GABRB3: variants seen among roughly 807,000 people sequenced by gnomAD.
GABRB3 encodes the protein gamma-aminobutyric acid type A receptor subunit beta3.
GABRB3 carries 14 observed loss-of-function variants against 52.1 expected under a neutral mutation model. The ratio of observed to expected loss-of-function variants is 0.27; its 90% CI spans 0.18 to 0.42. The LOEUF (loss-of-function observed/expected upper bound fraction) is 0.42. GABRB3 is among the 10% of genes least tolerant of loss of function. The pLI, the probability that GABRB3 is intolerant of heterozygous loss-of-function variation, is 1.00. For missense variants in GABRB3, 307 were observed against 609.1 expected, an observed-to-expected ratio of 0.50 and a Z score of 5.22; for synonymous variants, 260 against 232.3, an observed-to-expected ratio of 1.12 and a Z score of -1.08.
chr15:26,769,207 T>C (rs969644675), intron 3 of GABRB3, among the ~76,000 whole-genome samples: 2 of 152,258 alleles, frequency 1.3e-5, no homozygotes, highest in Non-Finnish European at 2.9e-5. Context: ...TTGAGATACG[T>C]GTGTTTTTCA....
chr15:26,635,169 C>A (rs1275918686), intron 3 of GABRB3, among the ~76,000 whole-genome samples: 6 of 151,286 alleles, frequency 4.0e-5, no homozygotes. Flanking sequence ...TCCAAAGATG[C>A]TCTGAGAACT....
At chr15:26,763,967 G>A (rs1043723353) in intron 3 of GABRB3, among the ~76,000 whole-genome samples, 70 of 151,360 alleles carry the variant, frequency 4.6e-4, no homozygotes, top group African/African-American at 1.6e-3. Flanking sequence ...CCAACATGGT[G>A]AAACCCCGTC....
chr15:26,621,284 G>A lies in GABRB3; in HGVS notation c.461+30C>T. Reference sequence around the variant, plus strand: ...TTCAACACCCATGCACCATGCAACAGCAAAATTGGTCCTGAAGAGGCACAC... The same window carrying A: ...TTCAACACCCATGCACCATGCAACAACAAAATTGGTCCTGAAGAGGCACAC... On this transcript the variant is annotated intron_variant, in intron 4 of 8. Transcript: ENST00000311550. The surrounding 1 kb of genome is among the most constrained non-coding windows in gnomAD (Gnocchi z 4.1). 1 of 1,574,882 alleles carries A rather than the reference G, an allele frequency of 6.3e-7. No homozygotes were observed.
At chr15:26,646,459 C>T (rs1440765742) in intron 3 of GABRB3, among the ~76,000 whole-genome samples, 1 of 152,096 alleles carries the variant, frequency 6.6e-6, no homozygotes, top group Non-Finnish European at 1.5e-5. Flanking sequence ...ACGCATTTAC[C>T]AGTTAGTGAG....
chr15:26,558,483 A>G (rs1889840469), intron 8 of GABRB3, among the ~76,000 whole-genome samples: 1 of 152,228 alleles, frequency 6.6e-6, no homozygotes, highest in Non-Finnish European at 1.5e-5. Context: ...GGCTTGAGAA[A>G]TAAGTATGTG....
At chr15:26,724,495 G>A (rs35150054) in intron 3 of GABRB3, among the ~76,000 whole-genome samples, 12,302 of 152,146 alleles carry the variant, frequency 0.081, 574 homozygotes, top group Middle Eastern at 0.16. Context: ...ACTGTCTGAG[G>A]CTGCCTCTTG....
intron 3 of GABRB3, among the ~76,000 whole-genome samples, chr15:26,723,405 G>A (rs1430480290): frequency 6.6e-6 from 1 of 152,020 alleles, no homozygotes; most frequent in Non-Finnish European, 1.5e-5. Context: ...CCCTACCTAG[G>A]GTAGTTATTT....
chr15:26,616,965 A>AC, intron 4 of GABRB3, among the ~76,000 whole-genome samples: 1 of 152,168 alleles, frequency 6.6e-6, no homozygotes, highest in African/African-American at 2.4e-5. Context: ...TTAAAAAAAA[A>AC]AACAAAAAGT....
intron 3 of GABRB3, among the ~76,000 whole-genome samples, chr15:26,756,013 T>A (rs1890649194): frequency 6.6e-6 from 1 of 151,994 alleles, no homozygotes; most frequent in African/African-American, 2.4e-5. Flanking sequence ...GTATCTATAA[T>A]ATAAAGTTAC....
intron 3 of GABRB3, among the ~76,000 whole-genome samples, chr15:26,645,970 C>CA (rs938669729): frequency 1.6e-3 from 226 of 143,492 alleles, no homozygotes; most frequent in East Asian, 8.0e-3. Context: ...TTTTGCAATC[C>CA]AAAAAAAAAA....
At chr15:26,653,034 A>T (rs1027623065) in intron 3 of GABRB3, among the ~76,000 whole-genome samples, 1 of 152,176 alleles carries the variant, frequency 6.6e-6, no homozygotes. Flanking sequence ...TTCTGACCTC[A>T]CCGACTCCAT....
chr15:26,632,323 T>C (rs1892934390), intron 3 of GABRB3, among the ~76,000 whole-genome samples: 1 of 152,238 alleles, frequency 6.6e-6, no homozygotes, highest in Non-Finnish European at 1.5e-5. Flanking sequence ...CATTTATTCA[T>C]CCATCTAAAT....
At chr15:26,736,096 C>T (rs1306783973) in intron 3 of GABRB3, among the ~76,000 whole-genome samples, 2 of 152,060 alleles carry the variant, frequency 1.3e-5, no homozygotes, top group Non-Finnish European at 2.9e-5. Flanking sequence ...TGCAGAGTTA[C>T]TATTTAATGT....
chr15:26,593,757 T>G (rs535837006), intron 4 of GABRB3, among the ~76,000 whole-genome samples: 1 of 152,056 alleles, frequency 6.6e-6, no homozygotes, highest in African/African-American at 2.4e-5. Context: ...TTGGCTACTA[T>G]GAATAATCCC....
intron 4 of GABRB3, among the ~76,000 whole-genome samples, chr15:26,597,113 C>A (rs1485524869): frequency 6.6e-6 from 1 of 152,166 alleles, no homozygotes; most frequent in Non-Finnish European, 1.5e-5. Context: ...ACAGAGCCAT[C>A]ATGATCCAAT....
chr15:26,624,591 G>A, intron 3 of GABRB3: 1 of 985,476 alleles, frequency 1.0e-6, no homozygotes, highest in Non-Finnish European at 1.2e-6. Flanking sequence ...TTGGGTCTTG[G>A]GTGTCTGCTG....
intron 3 of GABRB3, among the ~76,000 whole-genome samples, chr15:26,744,440 T>C (rs1890285166): frequency 6.6e-6 from 1 of 152,168 alleles, no homozygotes; most frequent in African/African-American, 2.4e-5. Context: ...AACTTTTTTT[T>C]TTTGAGACAG....
chr15:26,735,725 G>A (rs889742481), intron 3 of GABRB3, among the ~76,000 whole-genome samples: 2 of 152,122 alleles, frequency 1.3e-5, no homozygotes, highest in African/African-American at 2.4e-5. Context: ...AAGGCAAAAG[G>A]ATCGCTTGAG....
chr15:26,629,376 ACCTCGC>A (rs1413267436), intron 3 of GABRB3, among the ~76,000 whole-genome samples: 1 of 152,174 alleles, frequency 6.6e-6, no homozygotes, highest in Non-Finnish European at 1.5e-5. Flanking sequence ...GGCGTGGAGA[ACCTCGC>A]CCTGGGAGGG....
Sources: allele counts gnomAD v4.1 joint callset (sites outside exome capture counted in the v4.1 genomes callset), GRCh38; gene constraint gnomAD v4.1.1; non-coding constraint Gnocchi (gnomAD v3.1); transcripts MANE v1.5; gene names NCBI Gene and HGNC (gene_info 2026-07-23, HGNC 2026-07-21).